OSBPL6: variants seen among roughly 807,000 people sequenced by gnomAD.
OSBPL6 encodes the protein oxysterol binding protein like 6.
In OSBPL6, 49 loss-of-function variants were observed where a neutral mutation model predicts 125.8. That is an observed-to-expected ratio of 0.39 (90% CI 0.31 to 0.49). The LOEUF is 0.49. Among genes scored for constraint, OSBPL6 ranks in the 20% least tolerant of loss-of-function variants. OSBPL6 has a pLI of 0.88. For missense variants in OSBPL6, 986 were observed against 1,135.4 expected (o/e 0.87, Z 1.89); for synonymous variants, 394 against 391.8 (o/e 1.01, Z -0.07).
intron 1 of OSBPL6, among the ~76,000 whole-genome samples, chr2:178,198,502 G>A (rs904952446): frequency 5.9e-5 from 9 of 151,670 alleles, no homozygotes; most frequent in African/African-American, 2.2e-4. Flanking sequence ...TCACCATATT[G>A]GTCAGGCTGG....
At chr2:178,224,827 CAG>C (rs1249871784) in intron 1 of OSBPL6, among the ~76,000 whole-genome samples, 1 of 152,136 alleles carries the variant, frequency 6.6e-6, no homozygotes, top group Non-Finnish European at 1.5e-5. Context: ...CCCAGCTACT[CAG>C]GGGGCTGAGG....
chr2:178,349,270 A>C lies in OSBPL6; in HGVS notation c.1034A>C (p.Asn345Thr). 4 of 1,613,964 alleles carry C rather than the reference A, an allele frequency of 2.5e-6. No individual in the cohort carries two copies. The highest frequency in any genetic ancestry group is 3.4e-6 in the Non-Finnish European group (4 of 1,179,964). The change falls in exon 12 of 25, where the codon AAC becomes ACC. Residue 345 changes from asparagine (N) to threonine (T), a missense_variant. This residue lies in a region of OSBPL6 where 843 missense variants were observed against 997.3 expected (regional missense o/e 0.85). Coordinates refer to ENST00000190611, the MANE Select transcript of OSBPL6 (RefSeq NM_032523.4). ...TCACCAGTTCGCTTGCATTCCTCCA[A>C]CCCCAACCTTTGTGCAGATATTGAA... ...TMSPVRLHSS[N>T]PNLCADIEFQ...
intron 11 of OSBPL6, among the ~76,000 whole-genome samples, chr2:178,343,346 C>T (rs1361741823): frequency 6.6e-6 from 1 of 151,648 alleles, no homozygotes; most frequent in African/African-American, 2.4e-5. Flanking sequence ...ATGATCGTGC[C>T]ACAACACTCC....
At chr2:178,265,545 G>C (rs12476671) in intron 1 of OSBPL6, among the ~76,000 whole-genome samples, 54,981 of 151,836 alleles carry the variant, frequency 0.36, 12,179 homozygotes, top group East Asian at 0.67. Context: ...TGTTTTCCAA[G>C]TTTCAGTTCC....
At chr2:178,286,945 A>G (rs1483698175) in intron 2 of OSBPL6, among the ~76,000 whole-genome samples, 8 of 136,912 alleles carry the variant, frequency 5.8e-5, no homozygotes, top group Admixed American at 5.5e-4. Context: ...TTTGATTGCT[A>G]TATATTGTTG....
chr2:178,247,036 A>C, intron 1 of OSBPL6, among the ~76,000 whole-genome samples: 1 of 114,460 alleles, frequency 8.7e-6, no homozygotes. Context: ...GTTATTGTGT[A>C]CTCAACTTCT....
At position 178,265,236 on chromosome 2, in the gene OSBPL6, G is replaced by A. The variant is rs183308467; in HGVS notation, c.-350-19691G>A. On this transcript the variant is annotated intron_variant, in intron 1 of 24. Transcript: ENST00000190611. Reference sequence around the variant, plus strand: ...TTTTTTTTTTTTTTTTTTTAAGATAGCATCTTGCTCTGTCACCCAGGCTGG... The same window carrying A: ...TTTTTTTTTTTTTTTTTTTAAGATAACATCTTGCTCTGTCACCCAGGCTGG... Among the ~76,000 whole-genome samples, 381 of 81,244 alleles carry A rather than the reference G, an allele frequency of 4.7e-3. 1 individual carries two copies. Among genetic ancestry groups the A allele is most frequent in the African/African-American group, 0.016 (365 of 22,796 alleles). The allele number at this position is 81,244 out of a possible 152,430, so 53.3% of individuals were successfully genotyped here. A position where few individuals can be genotyped will look rare whatever the true frequency, so the allele number is the denominator to read the frequency against.
chr2:178,224,478 T>C (rs62177224), intron 1 of OSBPL6, among the ~76,000 whole-genome samples: 11,672 of 152,310 alleles, frequency 0.077, 475 homozygotes, highest in South Asian at 0.12. Flanking sequence ...TTTGATTGAC[T>C]CCTTTTTAAG....
At chr2:178,281,837 G>C (rs1375150665) in intron 1 of OSBPL6, among the ~76,000 whole-genome samples, 1 of 152,114 alleles carries the variant, frequency 6.6e-6, no homozygotes, top group African/African-American at 2.4e-5. Flanking sequence ...AGGAGAAATA[G>C]CTAATGCATG....
intron 1 of OSBPL6, among the ~76,000 whole-genome samples, chr2:178,257,814 A>G (rs2091933743): frequency 7.1e-6 from 1 of 140,292 alleles, no homozygotes; most frequent in Non-Finnish European, 1.5e-5. Flanking sequence ...TTTTTTTTTG[A>G]GACCAGATCT....
At chr2:178,208,200 G>A (rs986709489) in intron 1 of OSBPL6, among the ~76,000 whole-genome samples, 2 of 151,508 alleles carry the variant, frequency 1.3e-5, no homozygotes, top group South Asian at 4.2e-4. Context: ...CACGAGAATT[G>A]CTTCAACCCC....
At chr2:178,329,047 C>G (rs1688957702) in intron 5 of OSBPL6, among the ~76,000 whole-genome samples, 1 of 152,268 alleles carries the variant, frequency 6.6e-6, no homozygotes, top group East Asian at 1.9e-4. Flanking sequence ...TATCCCACTG[C>G]TATCGAACTA....
intron 12 of OSBPL6, among the ~76,000 whole-genome samples, chr2:178,349,869 CA>C (rs1169266915): frequency 6.6e-6 from 1 of 152,220 alleles, no homozygotes; most frequent in Non-Finnish European, 1.5e-5. Context: ...GATTCGGCTG[CA>C]GGCTGAGCTG....
At chr2:178,336,166 C>A in intron 8 of OSBPL6, 135 bp from the exon 9 acceptor site, 1 of 1,147,382 alleles carries the variant, frequency 8.7e-7, no homozygotes, top group Non-Finnish European at 1.2e-6. Flanking sequence ...CACATTTAGC[C>A]AAGAGGCTTC....
chr2:178,240,590 A>G (rs900851982), intron 1 of OSBPL6, among the ~76,000 whole-genome samples: 1 of 151,914 alleles, frequency 6.6e-6, no homozygotes, highest in Admixed American at 6.6e-5. Flanking sequence ...ATAAATAAAT[A>G]GAAGTGTTTA....
At chr2:178,293,968 T>C (rs931164735) in intron 2 of OSBPL6, among the ~76,000 whole-genome samples, 1 of 152,098 alleles carries the variant, frequency 6.6e-6, no homozygotes, top group African/African-American at 2.4e-5. Flanking sequence ...CAGATTTAAA[T>C]ATAAAAAGTA....
chr2:178,363,098 C>T (rs1692503477), intron 13 of OSBPL6, among the ~76,000 whole-genome samples: 2 of 152,016 alleles, frequency 1.3e-5, no homozygotes, highest in South Asian at 4.2e-4. Flanking sequence ...CATTCTTGTC[C>T]CCCTAAGTGT....
chr2:178,290,424 GTTTT>G (rs55767106), intron 2 of OSBPL6, among the ~76,000 whole-genome samples: 2,600 of 128,840 alleles, frequency 0.02, 32 homozygotes, highest in East Asian at 0.074. Context: ...AATTGTAGTG[GTTTT>G]TTTTTTTTTT....
At chr2:178,331,683 G>A (rs1337592673) in intron 6 of OSBPL6, 78 bp downstream of exon 6, 6 of 1,459,800 alleles carry the variant, frequency 4.1e-6, no homozygotes, top group African/African-American at 2.8e-5. Context: ...AATTGTACAA[G>A]CCTTGTGCCA....
Sources: gnomAD v4.1 joint callset for allele counts (sites outside exome capture counted in the v4.1 genomes callset) on GRCh38, gnomAD v4.1.1 for gene constraint, gnomAD v4.1.1 regional missense constraint, MANE v1.5 for transcripts, NCBI Gene and HGNC (gene_info 2026-07-23, HGNC 2026-07-21) for gene names.